ZCWPW2: variants seen among roughly 807,000 people sequenced by gnomAD.
ZCWPW2 encodes the protein zinc finger CW-type PWWP domain protein 2.
In ZCWPW2, 45 loss-of-function variants were observed where a neutral mutation model predicts 46.6. The ratio of observed to expected loss-of-function variants is 0.96; its 90% CI spans 0.76 to 1.24. ZCWPW2 has a LOEUF of 1.24. Among genes scored for constraint, ZCWPW2 ranks in the 50% most tolerant of loss-of-function variants. The pLI is 0.00. For synonymous variants in ZCWPW2, 152 were observed against 137.1 expected, an observed-to-expected ratio of 1.11 and a Z score of -0.76; for missense variants, 429 against 403.9, an observed-to-expected ratio of 1.06 and a Z score of -0.53.
chr3:28,424,868 A>C (rs539702283), intron 3 of ZCWPW2, among the ~76,000 whole-genome samples: 2 of 152,338 alleles, frequency 1.3e-5, no homozygotes, highest in East Asian at 3.9e-4. Flanking sequence ...TAGATATGTA[A>C]GAAAAAATAT....
chr3:28,435,307 C>G (rs761562686), intron 4 of ZCWPW2, 38 bp downstream of exon 4: 5 of 1,546,420 alleles, frequency 3.2e-6, no homozygotes, highest in Non-Finnish European at 3.5e-6. Flanking sequence ...TCTTCTTGCA[C>G]TTATTTTTAG....
chr3:28,382,870 G>GAT (rs2125711749), intron 1 of ZCWPW2, among the ~76,000 whole-genome samples: 1 of 152,176 alleles, frequency 6.6e-6, no homozygotes, highest in South Asian at 2.1e-4. Context: ...ACATTAAGAA[G>GAT]TAATAGTTGA....
At chr3:28,496,066 A>T (rs573065065) in intron 6 of ZCWPW2, among the ~76,000 whole-genome samples, 1 of 152,200 alleles carries the variant, frequency 6.6e-6, no homozygotes, top group African/African-American at 2.4e-5. Context: ...AAGGCTTGTT[A>T]TAGAGAGGCA....
rs577796643 is a variant in ZCWPW2 at position 28,405,439 on chromosome 3, G to C, written c.-13-7617G>C. On this transcript the variant is annotated intron_variant, in intron 2 of 9. Transcript: ENST00000383768. Reference sequence around the variant, plus strand: ...TTGCAGAGTTTTGAGGGGCATGCCAGAAAAAGCGTACATTGCTGTAAACAG... The same window carrying C: ...TTGCAGAGTTTTGAGGGGCATGCCACAAAAAGCGTACATTGCTGTAAACAG... Among the ~76,000 whole-genome samples, 3 of 152,228 alleles carry C rather than the reference G, an allele frequency of 2.0e-5. No individual in the cohort carries two copies. In the South Asian group the frequency reaches 6.2e-4, roughly 32 times the overall value.
intron 5 of ZCWPW2, among the ~76,000 whole-genome samples, chr3:28,484,818 C>T (rs1699541911): frequency 6.6e-6 from 1 of 151,648 alleles, no homozygotes; most frequent in Non-Finnish European, 1.5e-5. Flanking sequence ...GCCTGCCTTC[C>T]TCTCTAGAGT....
At chr3:28,515,735 GTGTGTGTGTGTATACACA>G in intron 8 of ZCWPW2, 114 bp downstream of exon 8, 5 of 797,894 alleles carry the variant, frequency 6.3e-6, no homozygotes, top group Non-Finnish European at 9.8e-6. Context: ...GTGTGTGTGT[GTGTGTGTGTGTATACACA>G]TATATACATG....
intron 1 of ZCWPW2, among the ~76,000 whole-genome samples, chr3:28,388,909 A>G (rs954436942): frequency 2.0e-5 from 3 of 152,092 alleles, no homozygotes; most frequent in African/African-American, 4.8e-5. Flanking sequence ...GCCCTAAAGG[A>G]TTTCTCTTGT....
intron 1 of ZCWPW2, among the ~76,000 whole-genome samples, chr3:28,367,075 T>A (rs1020718334): frequency 6.6e-6 from 1 of 152,228 alleles, no homozygotes; most frequent in African/African-American, 2.4e-5. Flanking sequence ...ATCAATTTTG[T>A]TGATCTTTTT....
At chr3:28,489,743 T>C (rs974689371) in intron 5 of ZCWPW2, among the ~76,000 whole-genome samples, 1 of 151,798 alleles carries the variant, frequency 6.6e-6, no homozygotes, top group Non-Finnish European at 1.5e-5. Flanking sequence ...GAATATTTGT[T>C]GATTATCTGT....
intron 2 of ZCWPW2, among the ~76,000 whole-genome samples, chr3:28,391,444 G>A (rs181359002): frequency 7.9e-5 from 12 of 152,088 alleles, no homozygotes; most frequent in African/African-American, 2.7e-4. Flanking sequence ...GCCCTGGGAG[G>A]GCTCAGGAGT....
At chr3:28,376,499 G>A (rs530981613) in intron 1 of ZCWPW2, among the ~76,000 whole-genome samples, 4 of 152,110 alleles carry the variant, frequency 2.6e-5, no homozygotes, top group South Asian at 2.1e-4. Flanking sequence ...TAGAGTTCGC[G>A]GTTTGTCTCT....
At chr3:28,353,758 T>TG (rs1197242549) in intron 1 of ZCWPW2, among the ~76,000 whole-genome samples, 6 of 152,098 alleles carry the variant, frequency 3.9e-5, no homozygotes, top group African/African-American at 1.4e-4. Flanking sequence ...GGCAGAAACA[T>TG]GGTGAAGAAA....
At chr3:28,518,554 T>C (rs1032822312) in intron 8 of ZCWPW2, among the ~76,000 whole-genome samples, 1 of 152,220 alleles carries the variant, frequency 6.6e-6, no homozygotes, top group Non-Finnish European at 1.5e-5. Flanking sequence ...CCTAGTTGAC[T>C]TATGAAGTCA....
chr3:28,420,579 A>G (rs1272447230), intron 3 of ZCWPW2, among the ~76,000 whole-genome samples: 1 of 143,486 alleles, frequency 7.0e-6, no homozygotes, highest in East Asian at 2.1e-4. Flanking sequence ...ATTATACTTT[A>G]TGTTGTTTTT....
At chr3:28,369,082 A>T (rs999227218) in intron 1 of ZCWPW2, among the ~76,000 whole-genome samples, 7 of 152,086 alleles carry the variant, frequency 4.6e-5, no homozygotes, top group Non-Finnish European at 1.0e-4. Context: ...CAAGGTTTCT[A>T]ACTTCTTTGT....
intron 1 of ZCWPW2, among the ~76,000 whole-genome samples, chr3:28,373,549 C>G (rs1559478186): frequency 6.6e-6 from 1 of 151,980 alleles, no homozygotes. Flanking sequence ...ATCTCTGGCT[C>G]ACTGCAAGCT....
chr3:28,486,203 T>TATAATGAC (rs1699594533), intron 5 of ZCWPW2, among the ~76,000 whole-genome samples: 2 of 152,134 alleles, frequency 1.3e-5, no homozygotes, highest in Non-Finnish European at 2.9e-5. Context: ...ACAAATATCT[T>TATAATGAC]ATAATGACAG....
chr3:28,413,489 C>A (rs972567905), intron 3 of ZCWPW2, 89 bp downstream of exon 3: 2 of 1,113,572 alleles, frequency 1.8e-6, no homozygotes. Flanking sequence ...AAACATTTTT[C>A]TTTTGTCTAC....
Position 28,384,610 on chromosome 3 carries a change from C to CT in ZCWPW2, c.-133-5885dup, listed in dbSNP as rs201820223. Among the ~76,000 whole-genome samples, 530 of 143,540 alleles carry CT rather than the reference C, an allele frequency of 3.7e-3. 9 individuals are homozygous for CT. The highest frequency in any genetic ancestry group is 4.8e-3 in the Non-Finnish European group (311 of 65,074). The allele number at this position is 143,540 out of a possible 152,430, so 94.2% of individuals were successfully genotyped here. A position where few individuals can be genotyped will look rare whatever the true frequency, so the allele number is the denominator to read the frequency against. On this transcript the variant is annotated intron_variant, in intron 1 of 9. Coordinates refer to ENST00000383768, the MANE Select transcript of ZCWPW2 (RefSeq NM_001040432.4). ...GACACATTCAAGTTGACCAATCTTT[C>CT]TTTCTTTTTTTTTTTTTTTTGAGAC... is the stretch of plus-strand genomic sequence containing the variant.
Sources: gnomAD v4.1 joint callset for allele counts (sites outside exome capture counted in the v4.1 genomes callset) on GRCh38, gnomAD v4.1.1 for gene constraint, MANE v1.5 for transcripts, NCBI Gene and HGNC (gene_info 2026-07-23, HGNC 2026-07-21) for gene names.